RAB44: variants seen among roughly 807,000 people sequenced by gnomAD.
RAB44 encodes ras-related protein Rab-44.
A neutral mutation model predicts 93.3 loss-of-function variants in RAB44; 67 were observed. That is an observed-to-expected ratio of 0.72 (90% CI 0.59 to 0.88). The LOEUF (loss-of-function observed/expected upper bound fraction) is 0.88. Among genes scored for constraint, RAB44 ranks in the 40% least tolerant of loss-of-function variants. The probability of loss-of-function intolerance (pLI) is 0.00; values close to 1 mark genes in which losing one functional copy is unlikely to be tolerated. For synonymous variants in RAB44, 427 were observed against 520.3 expected (o/e 0.82, Z 2.44); for missense variants, 1,064 against 1,261.7 (o/e 0.84, Z 2.37).
chr6:36,723,836 C>CCAAAAAAAAAAA (rs1763161870), intron 9 of RAB44, among the ~76,000 whole-genome samples: 1 of 64,624 alleles, frequency 1.5e-5, no homozygotes, highest in Non-Finnish European at 3.0e-5. Flanking sequence ...TTCCGTCTCC[C>CCAAAAAAAAAAA]AAAAAAAAAA....
rs369273503 is a variant in RAB44, at chr6:36,722,594, C to G, written c.2460C>G (p.Pro820=). The part of the protein sequence containing the change: ...EAGLTPSPGD[P]MAGGGPQANP... ...GGCTGACCCCATCCCCGGGAGACCC[C>G]ATGGCTGGAGGGGGACCCCAGGCCA... The change falls in exon 9 of 14, where the codon CCC becomes CCG. Residue 820 remains proline (P), a synonymous_variant. Coordinates refer to ENST00000612677, the MANE Select transcript of RAB44 (RefSeq NM_001257357.2). The G allele has an allele frequency of 2.0e-5, 31 of 1,550,468 alleles. No homozygotes were observed. In the African/African-American group the frequency reaches 2.5e-4, roughly 12 times the overall value.
intron 2 of RAB44, among the ~76,000 whole-genome samples, chr6:36,707,966 T>A (rs1762689993): frequency 6.6e-6 from 1 of 152,076 alleles, no homozygotes; most frequent in Admixed American, 6.5e-5. Context: ...ATACCAGGAC[T>A]TTGGGAGGCT....
In RAB44 at chr6:36,725,871, T is replaced by C. The variant is rs1763226228; in HGVS notation, c.2609T>C (p.Phe870Ser). Residue 870 changes from phenylalanine to serine, a missense_variant, in exon 10 of 14, where the codon TTT becomes TCT. Phe to Ser is a radical substitution (Grantham distance 155). Transcript: ENST00000612677. Reference protein sequence around the residue: ...TGLTATVGVDFRVKTLLVDNK... With the variant: ...TGLTATVGVDSRVKTLLVDNK... ...TCTCTATGTGTCCTAGGAGTAGATT[T>C]TCGGGTCAAAACCTTGCTGGTGGAC... 1 of 1,550,516 alleles carries C rather than the reference T, an allele frequency of 6.4e-7. No homozygotes were observed.
chr6:36,732,477 TA>T lies in RAB44; in HGVS notation c.*386del. ...ATTTGTATTTTCAGATTTTCAACAA[TA>T]ACAGTATTCAATACATAATCAGAAA... On this transcript the variant is annotated 3_prime_UTR_variant, in exon 14 of 14. Transcript: ENST00000612677. 1 of 156,998 alleles carries T rather than the reference TA, an allele frequency of 6.4e-6. No individual in the cohort carries two copies. The highest frequency in any genetic ancestry group is 2.1e-4 in the South Asian group (1 of 4,862). The allele number at this position is 156,998 out of a possible 1,614,324, so 9.7% of individuals were successfully genotyped here.
intron 7 of RAB44, 59 bp downstream of exon 7, chr6:36,718,647 C>A (rs1762989071): frequency 1.3e-6 from 1 of 799,920 alleles, no homozygotes; most frequent in East Asian, 3.4e-5. Flanking sequence ...ATCTATGAAC[C>A]TCAGTTTCCT....
chr6:36,717,295 T>C lies in RAB44; in HGVS notation c.517T>C (p.Trp173Arg). The C allele has an allele frequency of 8.1e-7, 1 of 1,231,948 alleles. No individual in the cohort carries two copies. The highest frequency in any genetic ancestry group is 1.0e-6 in the Non-Finnish European group (1 of 987,914). The allele number at this position is 1,231,948 out of a possible 1,614,324, so 76.3% of individuals were successfully genotyped here. A position where few individuals can be genotyped will look rare whatever the true frequency, so the allele number is the denominator to read the frequency against. Residue 173 changes from tryptophan to arginine, a missense_variant, in exon 5 of 14, where the codon TGG becomes CGG. Coordinates refer to ENST00000612677, the MANE Select transcript of RAB44 (RefSeq NM_001257357.2). This position sits in a 1 kb window ranked among gnomAD's most constrained non-coding sequence, Gnocchi z 4.1. ...LPKQMEIWQL[W>R]GQLRQEEPQL... is the part of the protein sequence containing the mutation. ...CAGGCAGATGGAAATCTGGCAACTGTGGGGGCAGCTGCGGCAGGAGGAGCC... is the reference window on the plus strand; with the variant it reads ...CAGGCAGATGGAAATCTGGCAACTGCGGGGGCAGCTGCGGCAGGAGGAGCC...
At chr6:36,706,730 ATT>A (rs76091211) in intron 2 of RAB44, among the ~76,000 whole-genome samples, 4 of 146,052 alleles carry the variant, frequency 2.7e-5, no homozygotes, top group Non-Finnish European at 3.0e-5. Flanking sequence ...TGTAAAAGTA[ATT>A]TTTTTTTTTT....
At position 36,723,829 on chromosome 6, in the gene RAB44, C is replaced by T. The variant is rs1012938801; in HGVS notation, c.2599+1096C>T. Among the ~76,000 whole-genome samples, 7 of 37,808 alleles carry T rather than the reference C, an allele frequency of 1.9e-4. No homozygotes were observed. In the South Asian group the frequency reaches 2.4e-3, roughly 13 times the overall value. The allele number at this position is 37,808 out of a possible 152,430, so 24.8% of individuals were successfully genotyped here. A position where few individuals can be genotyped will look rare whatever the true frequency, so the allele number is the denominator to read the frequency against. ...CAGCCTGGGCGACAGAGCAAGATTC[C>T]GTCTCCCAAAAAAAAAAAAAAAAAA... On this transcript the variant is annotated intron_variant, in intron 9 of 13. Transcript: ENST00000612677.
At chr6:36,713,801 C>A (rs993648984) in intron 2 of RAB44, 27 bp from the exon 3 acceptor site, 14 of 1,443,444 alleles carry the variant, frequency 9.7e-6, no homozygotes, top group Middle Eastern at 3.5e-4. Flanking sequence ...GGTGGGAACA[C>A]CTGCCCAACT....
At chr6:36,723,020 C>T (rs1307669798) in intron 9 of RAB44, among the ~76,000 whole-genome samples, 4 of 152,258 alleles carry the variant, frequency 2.6e-5, no homozygotes, top group Admixed American at 2.0e-4. Context: ...ATGGTGAAAA[C>T]AAGCAAGTAT....
intron 6 of RAB44, 109 bp downstream of exon 6, chr6:36,718,227 T>G (rs1406624123): frequency 1.5e-6 from 1 of 676,668 alleles, no homozygotes; most frequent in African/African-American, 1.9e-5. Context: ...GCTGCTGTAG[T>G]GAATCCTCTC....
chr6:36,725,859 T>C lies in RAB44; in HGVS notation c.2600-3T>C. On this transcript the variant is annotated splice_region_variant and splice_polypyrimidine_tract_variant and intron_variant, in intron 9 of 13. Coordinates refer to ENST00000612677, the MANE Select transcript of RAB44 (RefSeq NM_001257357.2). ...AGGCTTCACCCCTCTCTATGTGTCC[T>C]AGGAGTAGATTTTCGGGTCAAAACC... 6.5e-7 allele frequency: 1 copy of C among 1,549,680 alleles called. No homozygotes were observed. The highest frequency in any genetic ancestry group is 8.7e-7 in the Non-Finnish European group (1 of 1,146,184).
Position 36,732,299 on chromosome 6 carries a change from G to C in RAB44, c.*206G>C, listed in dbSNP as rs1293833590. 8.1e-6 allele frequency: 3 copies of C among 369,842 alleles called. No homozygotes were observed. The highest frequency in any genetic ancestry group is 6.3e-5 in the African/African-American group (3 of 47,838). 22.9% of individuals were successfully genotyped at this position (369,842 alleles called of 1,614,324 possible). ...AGGAGGGCTTTGCTGAGTGAACAAG[G>C]CTTGAGGGGCAGGGGTATGGCAAAA... On this transcript the variant is annotated 3_prime_UTR_variant, in exon 14 of 14. Transcript: ENST00000612677.
At chr6:36,711,630 T>C (rs908592487) in intron 2 of RAB44, among the ~76,000 whole-genome samples, 6 of 152,244 alleles carry the variant, frequency 3.9e-5, no homozygotes, top group Admixed American at 3.3e-4. Context: ...ATTAGAGTTA[T>C]ATAATCACTT....
chr6:36,725,200 C>T (rs1323413649), intron 9 of RAB44, among the ~76,000 whole-genome samples: 2 of 152,010 alleles, frequency 1.3e-5, no homozygotes, highest in Non-Finnish European at 2.9e-5. Flanking sequence ...GATGGAGTTT[C>T]ACTCTCGTTG....
At position 36,727,623 on chromosome 6, in the gene RAB44, G is replaced by A. The variant is rs1763269303; in HGVS notation, c.2728G>A (p.Val910Met). ...RQLLRKADGVVLMYDITSQES... is the reference protein window; with the variant it reads ...RQLLRKADGVMLMYDITSQES... ...GCTGCTCCGCAAGGCTGACGGGGTGGTGCTCATGTACGACATCACCTCCCA... is the reference window on the plus strand; with the variant it reads ...GCTGCTCCGCAAGGCTGACGGGGTGATGCTCATGTACGACATCACCTCCCA... The change falls in exon 11 of 14, where the codon GTG (valine) becomes ATG (methionine). Residue 910 changes from valine (V) to methionine (M), a missense_variant. Transcript: ENST00000612677. 1 of 1,550,576 alleles carries A rather than the reference G, an allele frequency of 6.4e-7. No homozygotes were observed. Among genetic ancestry groups the A allele is most frequent in the South Asian group, 1.2e-5 (1 of 84,064 alleles).
intron 9 of RAB44, among the ~76,000 whole-genome samples, chr6:36,722,948 GA>G (rs1463344150): frequency 6.6e-6 from 1 of 152,238 alleles, no homozygotes; most frequent in Non-Finnish European, 1.5e-5. Context: ...GCATTGATCT[GA>G]TTAGCTTATA....
intron 9 of RAB44, among the ~76,000 whole-genome samples, chr6:36,724,806 C>T (rs1302705578): frequency 6.6e-6 from 1 of 152,126 alleles, no homozygotes. Flanking sequence ...CGGTGGCTAT[C>T]GTCTTTTCTG....
At chr6:36,698,824 G>C (rs1690089259) in intron 1 of RAB44, among the ~76,000 whole-genome samples, 1 of 152,164 alleles carries the variant, frequency 6.6e-6, no homozygotes, top group Non-Finnish European at 1.5e-5. Flanking sequence ...AGAGGCTGAT[G>C]GTGAGGGATT....
Sources: gnomAD v4.1 joint callset for allele counts (sites outside exome capture counted in the v4.1 genomes callset) on GRCh38, gnomAD v4.1.1 for gene constraint, Gnocchi (gnomAD v3.1) non-coding constraint, MANE v1.5 for transcripts, NCBI Gene and HGNC (gene_info 2026-07-23, HGNC 2026-07-21) for gene names.